The following RCAN2 variants were observed in gnomAD, a reference collection of about 807,000 sequenced individuals.
The protein encoded by RCAN2 is regulator of calcineurin 2.
Under a neutral mutation model 23.6 loss-of-function variants are expected in RCAN2, and 9 were observed. The ratio of observed to expected loss-of-function variants is 0.38; its 90% CI spans 0.23 to 0.67. The LOEUF is 0.67. RCAN2 is among the 30% of genes least tolerant of loss of function. The probability of loss-of-function intolerance (pLI) is 0.51; values close to 1 mark genes in which losing one functional copy is unlikely to be tolerated. For synonymous variants in RCAN2, 109 were observed against 115.7 expected (o/e 0.94, Z 0.37); for missense variants, 273 against 302.3 (o/e 0.90, Z 0.72).
chr6:46,461,584 CT>C (rs71715310), intron 1 of RCAN2, among the ~76,000 whole-genome samples: 52,822 of 143,364 alleles, frequency 0.37, 11,147 homozygotes, highest in East Asian at 0.58. Flanking sequence ...TCTTTTTTTT[CT>C]TTTTTTTTTT....
intron 2 of RCAN2, among the ~76,000 whole-genome samples, chr6:46,363,266 T>C (rs767283359): frequency 2.5e-4 from 38 of 152,172 alleles, no homozygotes; most frequent in Non-Finnish European, 5.1e-4. Context: ...GTGTGTATCA[T>C]GATTACATTT....
intron 2 of RCAN2, among the ~76,000 whole-genome samples, chr6:46,380,234 T>C (rs1354478974): frequency 6.6e-6 from 1 of 152,158 alleles, no homozygotes; most frequent in Non-Finnish European, 1.5e-5. Context: ...ACACAACACA[T>C]TAACATTTCT....
intron 2 of RCAN2, among the ~76,000 whole-genome samples, chr6:46,380,265 T>C (rs1765584137): frequency 6.6e-6 from 1 of 152,220 alleles, no homozygotes; most frequent in South Asian, 2.1e-4. Context: ...GTAGGAACAG[T>C]CACACCAAGG....
intron 2 of RCAN2, among the ~76,000 whole-genome samples, chr6:46,456,484 A>G (rs1315065549): frequency 1.3e-5 from 2 of 152,206 alleles, no homozygotes; most frequent in Non-Finnish European, 2.9e-5. Context: ...TACAATCCAT[A>G]TTAACACCAT....
intron 4 of RCAN2, among the ~76,000 whole-genome samples, chr6:46,228,416 CT>C (rs1765755433): frequency 6.6e-6 from 1 of 152,106 alleles, no homozygotes; most frequent in South Asian, 2.1e-4. Context: ...GTCTAAGTCT[CT>C]TTTAGGTCTG....
At chr6:46,487,897 G>C (rs566326735) in intron 1 of RCAN2, among the ~76,000 whole-genome samples, 25 of 152,336 alleles carry the variant, frequency 1.6e-4, no homozygotes, top group African/African-American at 5.5e-4. Context: ...TAGTAGCAGA[G>C]AATTTGAGAA....
chr6:46,244,448 A>T (rs1370055405), intron 4 of RCAN2, among the ~76,000 whole-genome samples: 1 of 152,122 alleles, frequency 6.6e-6, no homozygotes, highest in Non-Finnish European at 1.5e-5. Context: ...CAGAGCCTGG[A>T]CTCAGCTGGG....
chr6:46,243,874 G>C (rs1354054290), intron 4 of RCAN2, among the ~76,000 whole-genome samples: 2 of 136,616 alleles, frequency 1.5e-5, no homozygotes, highest in African/African-American at 5.4e-5. Flanking sequence ...ACAAATAAAT[G>C]TTTGCCAGAG....
At chr6:46,279,406 G>A (rs1767826517) in intron 2 of RCAN2, among the ~76,000 whole-genome samples, 1 of 152,214 alleles carries the variant, frequency 6.6e-6, no homozygotes, top group African/African-American at 2.4e-5. Context: ...TTTGGGTCCA[G>A]ATAATTCTTT....
At chr6:46,393,135 C>T (rs937400676) in intron 2 of RCAN2, among the ~76,000 whole-genome samples, 3 of 152,084 alleles carry the variant, frequency 2.0e-5, no homozygotes, top group Non-Finnish European at 4.4e-5. Flanking sequence ...AGAAACAGTC[C>T]ATAGGCTAGA....
intron 2 of RCAN2, among the ~76,000 whole-genome samples, chr6:46,304,753 G>A (rs1419853953): frequency 6.6e-6 from 1 of 152,058 alleles, no homozygotes; most frequent in Non-Finnish European, 1.5e-5. Context: ...GGGGTAGGCA[G>A]GGGAATTTTT....
intron 2 of RCAN2, among the ~76,000 whole-genome samples, chr6:46,281,231 A>G (rs528199127): frequency 1.4e-4 from 22 of 152,184 alleles, no homozygotes; most frequent in Non-Finnish European, 2.8e-4. Context: ...ACAGCCCTGG[A>G]CATATGTCCA....
intron 2 of RCAN2, among the ~76,000 whole-genome samples, chr6:46,376,324 A>T (rs977340516): frequency 1.3e-5 from 2 of 152,196 alleles, no homozygotes; most frequent in South Asian, 2.1e-4. Flanking sequence ...TAGAGTGTTG[A>T]TAACAAAATC....
intron 2 of RCAN2, among the ~76,000 whole-genome samples, chr6:46,387,249 A>T (rs189014044): frequency 6.6e-6 from 1 of 152,356 alleles, no homozygotes; most frequent in African/African-American, 2.4e-5. Context: ...AAAATTGACA[A>T]ATAGGATCTA....
intron 2 of RCAN2, among the ~76,000 whole-genome samples, chr6:46,432,710 C>A (rs1018676268): frequency 6.6e-6 from 1 of 152,040 alleles, no homozygotes; most frequent in East Asian, 1.9e-4. Flanking sequence ...AAGATATTAG[C>A]AACTCAAAAA....
intron 2 of RCAN2, among the ~76,000 whole-genome samples, chr6:46,304,311 T>C (rs1762999248): frequency 6.6e-6 from 1 of 152,182 alleles, no homozygotes; most frequent in South Asian, 2.1e-4. Context: ...CTTTATATAT[T>C]CTGGAAATAG....
At chr6:46,313,210 ACT>A (rs1290742833) in intron 2 of RCAN2, among the ~76,000 whole-genome samples, 5 of 151,438 alleles carry the variant, frequency 3.3e-5, no homozygotes, top group African/African-American at 1.2e-4. Context: ...ATCCCAGACT[ACT>A]CTCTTACAGG....
chr6:46,229,548 C>T (rs930077678), intron 4 of RCAN2, among the ~76,000 whole-genome samples: 2 of 152,166 alleles, frequency 1.3e-5, no homozygotes, highest in African/African-American at 4.8e-5. Flanking sequence ...CCCTTTCTTC[C>T]ACCTGATCAA....
chr6:46,244,328 C>T (rs1766435066), intron 4 of RCAN2, among the ~76,000 whole-genome samples: 1 of 151,960 alleles, frequency 6.6e-6, no homozygotes, highest in African/African-American at 2.4e-5. Context: ...TCTTTCCTTC[C>T]TCTTCTGTGT....
Sources: gnomAD v4.1 joint callset for allele counts (sites outside exome capture counted in the v4.1 genomes callset) on GRCh38, gnomAD v4.1.1 for gene constraint, MANE v1.5 for transcripts, NCBI Gene and HGNC (gene_info 2026-07-23, HGNC 2026-07-21) for gene names.